The following PARD3B variants were observed in gnomAD, a reference collection of about 807,000 sequenced individuals.
The protein encoded by PARD3B is par-3 family cell polarity regulator beta.
Under a neutral mutation model 130.2 loss-of-function variants are expected in PARD3B, and 103 were observed. That is an observed-to-expected ratio of 0.79 (90% confidence interval 0.67 to 0.93). The LOEUF (loss-of-function observed/expected upper bound fraction) is 0.93, where lower values mean the gene tolerates loss of function less well. Among genes scored for constraint, PARD3B ranks in the 40% least tolerant of loss-of-function variants. The pLI, the probability that PARD3B is intolerant of heterozygous loss-of-function variation, is 0.00. For synonymous variants in PARD3B, 583 were observed against 553.2 expected (o/e 1.05, Z -0.76); for missense variants, 1,609 against 1,499.2 (o/e 1.07, Z -1.21).
chr2:204,997,987 C>T (rs1694376920), intron 3 of PARD3B, among the ~76,000 whole-genome samples: 1 of 148,452 alleles, frequency 6.7e-6, no homozygotes, highest in Admixed American at 6.7e-5. Flanking sequence ...TGCATATATA[C>T]ACATATAATC....
intron 21 of PARD3B, among the ~76,000 whole-genome samples, chr2:205,544,011 G>T (rs1336154974): frequency 6.6e-6 from 1 of 152,144 alleles, no homozygotes; most frequent in Non-Finnish European, 1.5e-5. Flanking sequence ...TATTTTGAGG[G>T]TTAGCATTGT....
intron 2 of PARD3B, among the ~76,000 whole-genome samples, chr2:204,954,366 C>T (rs1302410529): frequency 6.6e-6 from 1 of 152,144 alleles, no homozygotes; most frequent in Non-Finnish European, 1.5e-5. Flanking sequence ...TATATGCTGA[C>T]CTTTCTGTAG....
At position 205,116,860 on chromosome 2, in the gene PARD3B, G is replaced by A. The variant is rs2029876515; in HGVS notation, c.681-2061G>A. 6.6e-6 allele frequency among the ~76,000 whole-genome samples: 1 copy of A among 152,106 alleles called. No homozygotes were observed. Among genetic ancestry groups the A allele is most frequent in the Non-Finnish European group, 1.5e-5 (1 of 68,004 alleles). ...CTTATTCTGTCAATAAATTTTTCAT[G>A]GAAAGTTAGATTATTTAGATCAGTG... On this transcript the variant is annotated intron_variant, in intron 6 of 22. Coordinates refer to ENST00000406610, the MANE Select transcript of PARD3B (RefSeq NM_001302769.2). This position sits in a 1 kb window ranked among gnomAD's most constrained non-coding sequence, Gnocchi z 4.5.
chr2:204,835,606 T>C (rs1375790219), intron 2 of PARD3B, among the ~76,000 whole-genome samples: 1 of 152,188 alleles, frequency 6.6e-6, no homozygotes, highest in Non-Finnish European at 1.5e-5. Flanking sequence ...AAGATATGAA[T>C]ACCAGTTCAA....
chr2:204,556,048 T>C (rs919378797), intron 1 of PARD3B, among the ~76,000 whole-genome samples: 2 of 152,222 alleles, frequency 1.3e-5, no homozygotes, highest in Admixed American at 1.3e-4. Flanking sequence ...GTCTCTTTTG[T>C]TCATTTCTGA....
intron 22 of PARD3B, among the ~76,000 whole-genome samples, chr2:205,553,674 T>C (rs2052750223): frequency 6.6e-6 from 1 of 152,236 alleles, no homozygotes; most frequent in Non-Finnish European, 1.5e-5. Flanking sequence ...AAGCCATTGC[T>C]ATAAAACTGG....
At position 205,206,922 on chromosome 2, in the gene PARD3B, C is replaced by T. The variant is rs903881017; in HGVS notation, c.2140+13602C>T. On this transcript the variant is annotated intron_variant, in intron 15 of 22. Coordinates refer to ENST00000406610, the MANE Select transcript of PARD3B (RefSeq NM_001302769.2). ...AAATCAACAGAATATACATTTTTTT[C>T]GGCACCACACCACACCTATTCCAAA... is the stretch of plus-strand genomic sequence containing the variant. Among the ~76,000 whole-genome samples, 36 of 148,648 alleles carry T rather than the reference C, an allele frequency of 2.4e-4. 1 individual carries two copies. Among genetic ancestry groups the T allele is most frequent in the Admixed American group, 1.9e-3 (28 of 14,994 alleles).
intron 2 of PARD3B, among the ~76,000 whole-genome samples, chr2:204,860,438 G>A (rs2045137631): frequency 1.3e-5 from 2 of 152,236 alleles, no homozygotes; most frequent in Admixed American, 1.3e-4. Context: ...GGTACCGCAG[G>A]ATGGAGAAAC....
intron 20 of PARD3B, among the ~76,000 whole-genome samples, chr2:205,485,396 G>T (rs938700398): frequency 2.0e-5 from 3 of 152,138 alleles, no homozygotes; most frequent in African/African-American, 4.8e-5. Flanking sequence ...CCTCTGGCAC[G>T]TTAGCCAACA....
At chr2:204,950,194 C>T (rs539940274) in intron 2 of PARD3B, among the ~76,000 whole-genome samples, 132 of 152,282 alleles carry the variant, frequency 8.7e-4, no homozygotes, top group Middle Eastern at 3.4e-3. Context: ...TAAACCTAAC[C>T]TGCCCCCCTC....
chr2:204,834,941 G>A (rs1419730658), intron 2 of PARD3B, among the ~76,000 whole-genome samples: 2 of 152,202 alleles, frequency 1.3e-5, no homozygotes, highest in Non-Finnish European at 2.9e-5. Context: ...TAGGTTTAGA[G>A]CTAGAACACC....
chr2:205,289,641 C>CAGT (rs1216247510), intron 16 of PARD3B, among the ~76,000 whole-genome samples: 2 of 152,012 alleles, frequency 1.3e-5, no homozygotes, highest in African/African-American at 2.4e-5. Flanking sequence ...AGTGCAGCAG[C>CAGT]GTGGAGATAG....
At chr2:204,672,050 T>A (rs1200993448) in intron 1 of PARD3B, among the ~76,000 whole-genome samples, 1 of 152,202 alleles carries the variant, frequency 6.6e-6, no homozygotes, top group Non-Finnish European at 1.5e-5. Context: ...CATTCCTGCT[T>A]GGGGCTTCCC....
At chr2:205,345,596 C>A (rs906836972) in intron 18 of PARD3B, among the ~76,000 whole-genome samples, 1 of 151,618 alleles carries the variant, frequency 6.6e-6, no homozygotes, top group Non-Finnish European at 1.5e-5. Flanking sequence ...CTCCCCCAGT[C>A]CATGCTGCTA....
intron 2 of PARD3B, among the ~76,000 whole-genome samples, chr2:204,792,819 G>T (rs1196329679): frequency 6.6e-6 from 1 of 152,120 alleles, no homozygotes; most frequent in Admixed American, 6.5e-5. Context: ...GATTCTTTCA[G>T]ATGTCTTCTG....
chr2:204,935,865 G>GA (rs1215943414), intron 2 of PARD3B, among the ~76,000 whole-genome samples: 1 of 152,118 alleles, frequency 6.6e-6, no homozygotes, highest in African/African-American at 2.4e-5. Flanking sequence ...ATTATAGATG[G>GA]AAAATCAGAG....
intron 22 of PARD3B, among the ~76,000 whole-genome samples, chr2:205,609,535 C>T (rs993541925): frequency 2.0e-5 from 3 of 152,112 alleles, no homozygotes; most frequent in African/African-American, 7.2e-5. Context: ...AAAAAGGAAA[C>T]CCATAAAGGC....
chr2:204,930,247 G>A (rs1037271911), intron 2 of PARD3B, among the ~76,000 whole-genome samples: 2 of 150,920 alleles, frequency 1.3e-5, no homozygotes, highest in African/African-American at 4.9e-5. Context: ...TTGGAGTACA[G>A]TGGTCCCCTC....
chr2:205,438,797 C>A (rs2047609165), intron 19 of PARD3B, among the ~76,000 whole-genome samples: 1 of 152,152 alleles, frequency 6.6e-6, no homozygotes, highest in African/African-American at 2.4e-5. Context: ...AATATAAATT[C>A]TTCTAATTAC....
Sources: gnomAD v4.1 joint callset for allele counts (sites outside exome capture counted in the v4.1 genomes callset) on GRCh38, gnomAD v4.1.1 for gene constraint, Gnocchi (gnomAD v3.1) non-coding constraint, MANE v1.5 for transcripts, NCBI Gene and HGNC (gene_info 2026-07-23, HGNC 2026-07-21) for gene names.